The following TAAR5 variants were observed in gnomAD, a reference collection of about 807,000 sequenced individuals.
TAAR5 encodes the protein trace amine-associated receptor 5.
TAAR5 carries 27 observed loss-of-function variants against 21.1 expected under a neutral mutation model. The observed-to-expected ratio is 1.28, with a 90% CI of 0.94 to 1.76. TAAR5 has a LOEUF of 1.76. TAAR5 is among the 40% of genes most tolerant of loss of function. TAAR5 has a pLI of 0.00. For synonymous variants in TAAR5, 203 were observed against 167.5 expected (o/e 1.21, Z -1.64); for missense variants, 495 against 405.6 (o/e 1.22, Z -1.89).
the TAAR5 span, among the ~76,000 whole-genome samples, chr6:132,599,939 A>G: frequency 1.3e-5 from 2 of 152,240 alleles, no homozygotes; most frequent in Non-Finnish European, 2.9e-5. Context: ...AATTAGTTTA[A>G]AATACATTTG....
chr6:132,591,844 A>G (rs919486491), upstream of TAAR5, among the ~76,000 whole-genome samples: 1 of 152,170 alleles, frequency 6.6e-6, no homozygotes, highest in African/African-American at 2.4e-5. Context: ...ACTTAACACC[A>G]CTGTGTCCAG....
chr6:132,610,909 G>T, the TAAR5 span, among the ~76,000 whole-genome samples: 1 of 152,128 alleles, frequency 6.6e-6, no homozygotes, highest in African/African-American at 2.4e-5. Context: ...TGAATCATTC[G>T]TAACAGAAAG....
upstream of TAAR5, among the ~76,000 whole-genome samples, chr6:132,592,042 CACTG>C (rs1349733431): frequency 6.6e-6 from 1 of 152,172 alleles, no homozygotes; most frequent in Non-Finnish European, 1.5e-5. Flanking sequence ...TCCCTTCTTC[CACTG>C]ACTTTTAGAA....
chr6:132,599,863 G>A, the TAAR5 span, among the ~76,000 whole-genome samples: 2 of 152,076 alleles, frequency 1.3e-5, no homozygotes, highest in South Asian at 2.1e-4. Flanking sequence ...GATTGCTTCA[G>A]TCAGGGTCCA....
At chr6:132,595,393 CA>C in the TAAR5 span, 1 of 152,218 alleles carries the variant, frequency 6.6e-6, no homozygotes, top group South Asian at 2.1e-4. Flanking sequence ...TGAACTAAAG[CA>C]AAATTGTACT....
chr6:132,600,912 AGAAG>A, the TAAR5 span, among the ~76,000 whole-genome samples: 8 of 43,688 alleles, frequency 1.8e-4, no homozygotes, highest in African/African-American at 6.6e-4. Context: ...AAGGAGGGAA[AGAAG>A]GAAGGAAGGA....
At chr6:132,592,207 G>C (rs142463151), upstream of TAAR5, among the ~76,000 whole-genome samples, 9 of 152,258 alleles carry the variant, frequency 5.9e-5, no homozygotes, top group Non-Finnish European at 1.0e-4. Context: ...AAATCTCCCC[G>C]CTGCATCATG....
In TAAR5 at chr6:132,588,716, A is replaced by T; in HGVS notation, c.971T>A (p.Val324Asp). The T allele has an allele frequency of 6.2e-7, 1 of 1,613,904 alleles. No individual in the cohort carries two copies. The highest frequency in any genetic ancestry group is 8.5e-7 in the Non-Finnish European group (1 of 1,179,948). ...AACAGTGCGTGTCTGCGGTGAGAAG[A>T]CCTTCTGGCTCAGTGTGAGTTTCAG... ...KALKLTLSQK[V>D]FSPQTRTVDL... Residue 324 changes from valine (V) to aspartate (D), a missense_variant, in exon 1 of 1, where the codon GTC becomes GAC. By Grantham distance (152) the Val-to-Asp change is radical. Coordinates refer to ENST00000258034, the MANE Select transcript of TAAR5 (RefSeq NM_003967.3).
At position 132,589,375 on chromosome 6, in the gene TAAR5, G is replaced by A. The variant is rs1351009907; in HGVS notation, c.312C>T (p.Asp104=). The A allele has an allele frequency of 6.2e-7, 1 of 1,614,108 alleles. No homozygotes were observed. Among genetic ancestry groups the A allele is most frequent in the East Asian group, 2.2e-5 (1 of 44,876 alleles). ...RSVESCWFFG[D]FLCRLHTYLD... is the part of the protein sequence containing the mutation. ...GGTAGGTGTGCAGGCGGCAGAGGAA[G>A]TCCCCGAAGAACCAGCAGCTCTCCA... The change falls in exon 1 of 1, where the codon GAC becomes GAT. Residue 104 remains aspartate (D), a synonymous_variant. Coordinates refer to ENST00000258034, the MANE Select transcript of TAAR5 (RefSeq NM_003967.3).
chr6:132,610,188 G>A, the TAAR5 span, among the ~76,000 whole-genome samples: 1 of 152,154 alleles, frequency 6.6e-6, no homozygotes, highest in African/African-American at 2.4e-5. Flanking sequence ...CCAATAAATG[G>A]TCACGCTTGC....
At chr6:132,599,790 G>T in the TAAR5 span, among the ~76,000 whole-genome samples, 1 of 152,090 alleles carries the variant, frequency 6.6e-6, no homozygotes, top group Non-Finnish European at 1.5e-5. Context: ...GCTCATCTGG[G>T]TTTATAAAAC....
the TAAR5 span, among the ~76,000 whole-genome samples, chr6:132,606,406 T>A: frequency 6.6e-6 from 1 of 152,126 alleles, no homozygotes; most frequent in Non-Finnish European, 1.5e-5. Flanking sequence ...AGAAAGTCAA[T>A]TTTAATGTCC....
chr6:132,603,535 T>C, the TAAR5 span, among the ~76,000 whole-genome samples: 5 of 151,620 alleles, frequency 3.3e-5, no homozygotes, highest in African/African-American at 1.2e-4. Context: ...TCAATATCGC[T>C]TGTATTCATT....
the TAAR5 span, among the ~76,000 whole-genome samples, chr6:132,598,343 G>A: frequency 1.3e-5 from 2 of 152,102 alleles, no homozygotes; most frequent in Non-Finnish European, 2.9e-5. Context: ...TTTAAGAGGG[G>A]TATCTTTCAA....
At chr6:132,607,329 C>T in the TAAR5 span, among the ~76,000 whole-genome samples, 1 of 152,178 alleles carries the variant, frequency 6.6e-6, no homozygotes, top group South Asian at 2.1e-4. Flanking sequence ...GTGGACATGA[C>T]TGACATGTGT....
chr6:132,592,215 A>C (rs1430315533), upstream of TAAR5, among the ~76,000 whole-genome samples: 2 of 152,244 alleles, frequency 1.3e-5, no homozygotes, highest in Admixed American at 1.3e-4. Flanking sequence ...CCGCTGCATC[A>C]TGTGTAGCCT....
the TAAR5 span, among the ~76,000 whole-genome samples, chr6:132,604,146 CTT>C: frequency 3.8e-4 from 48 of 125,980 alleles, no homozygotes; most frequent in African/African-American, 5.6e-4. Flanking sequence ...TTTTTCTTTT[CTT>C]TTTTTTTTTT....
At chr6:132,612,859 A>G in the TAAR5 span, among the ~76,000 whole-genome samples, 1 of 152,196 alleles carries the variant, frequency 6.6e-6, no homozygotes, top group African/African-American at 2.4e-5. Flanking sequence ...TAAGTCCATG[A>G]ATACATACGC....
At chr6:132,611,715 C>A in the TAAR5 span, among the ~76,000 whole-genome samples, 9 of 152,078 alleles carry the variant, frequency 5.9e-5, no homozygotes, top group South Asian at 2.1e-4. Flanking sequence ...CTGAAGCAGA[C>A]CCTAAAAGAA....
Sources: gnomAD v4.1 joint callset for allele counts (sites outside exome capture counted in the v4.1 genomes callset) on GRCh38, gnomAD v4.1.1 for gene constraint, MANE v1.5 for transcripts, NCBI Gene and HGNC (gene_info 2026-07-23, HGNC 2026-07-21) for gene names.